The following NRG3 variants were observed in gnomAD, a reference collection of about 807,000 sequenced individuals.
NRG3 encodes pro-neuregulin-3, membrane-bound isoform.
Under a neutral mutation model 66.9 loss-of-function variants are expected in NRG3, and 31 were observed. The ratio of observed to expected loss-of-function variants is 0.46; its 90% CI spans 0.35 to 0.63. The LOEUF is 0.63. Among genes scored for constraint, NRG3 ranks in the 20% least tolerant of loss-of-function variants. NRG3 has a pLI of 0.00. For missense variants in NRG3, 910 were observed against 878.9 expected, an observed-to-expected ratio of 1.04 and a Z score of -0.45; for synonymous variants, 393 against 359.4, an observed-to-expected ratio of 1.09 and a Z score of -1.06.
chr10:82,213,308 T>C (rs1224693556), intron 1 of NRG3, among the ~76,000 whole-genome samples: 1 of 152,212 alleles, frequency 6.6e-6, no homozygotes, highest in Non-Finnish European at 1.5e-5. Context: ...AACTATAAAC[T>C]TTTTGAGTTC....
chr10:81,898,265 C>T (rs1032401088), intron 1 of NRG3, among the ~76,000 whole-genome samples: 12 of 152,180 alleles, frequency 7.9e-5, no homozygotes, highest in Non-Finnish European at 1.0e-4. Flanking sequence ...AGACCCCTGC[C>T]AGCAAGAGCC....
At chr10:82,501,776 CT>C (rs1844214931) in intron 2 of NRG3, among the ~76,000 whole-genome samples, 1 of 152,130 alleles carries the variant, frequency 6.6e-6, no homozygotes. Context: ...AAAAATGGGA[CT>C]TTTTAGTTCT....
At chr10:82,279,310 G>T (rs966179204) in intron 1 of NRG3, among the ~76,000 whole-genome samples, 1 of 152,122 alleles carries the variant, frequency 6.6e-6, no homozygotes, top group Admixed American at 6.6e-5. Flanking sequence ...ATCAATGTCA[G>T]CACCTGCTGA....
chr10:82,600,582 T>C (rs2047561263), intron 2 of NRG3, among the ~76,000 whole-genome samples: 1 of 152,118 alleles, frequency 6.6e-6, no homozygotes, highest in South Asian at 2.1e-4. Flanking sequence ...GTGATTCTCC[T>C]GCTTAGCCTC....
At chr10:81,884,082 G>A (rs1481737650) in intron 1 of NRG3, among the ~76,000 whole-genome samples, 4 of 152,118 alleles carry the variant, frequency 2.6e-5, no homozygotes, top group African/African-American at 9.7e-5. Flanking sequence ...CTGGGCTTAG[G>A]ATATATAATT....
At chr10:82,144,029 TA>T (rs558793877) in intron 1 of NRG3, among the ~76,000 whole-genome samples, 314 of 106,962 alleles carry the variant, frequency 2.9e-3, no homozygotes, top group Middle Eastern at 6.3e-3. Flanking sequence ...GACTTTGTCT[TA>T]AAAAAAAAAA....
intron 4 of NRG3, among the ~76,000 whole-genome samples, chr10:82,894,179 A>G (rs1415384560): frequency 2.0e-5 from 3 of 152,216 alleles, no homozygotes; most frequent in Non-Finnish European, 4.4e-5. Flanking sequence ...AGCAAATTGA[A>G]CCCAGCAAAG....
In NRG3 at chr10:82,070,178, G is replaced by A. The variant is rs555004110; in HGVS notation, c.823+194015G>A. Among the ~76,000 whole-genome samples the A allele has an allele frequency of 4.6e-5, 7 of 152,168 alleles. No homozygotes were observed. The East Asian group carries it at 1.4e-3, about 29-fold the overall frequency. Reference sequence around the variant, plus strand: ...GCTAAGCCAGGAAGCTTGACTGATGGGACCCAGAGTGATCTCCCTGTCTCC... The same window carrying A: ...GCTAAGCCAGGAAGCTTGACTGATGAGACCCAGAGTGATCTCCCTGTCTCC... On this transcript the variant is annotated intron_variant, in intron 1 of 8. Coordinates refer to ENST00000372141, the MANE Select transcript of NRG3 (RefSeq NM_001010848.4).
chr10:82,171,433 A>G (rs2133101711), intron 1 of NRG3, among the ~76,000 whole-genome samples: 1 of 152,140 alleles, frequency 6.6e-6, no homozygotes, highest in South Asian at 2.1e-4. Context: ...TTCTTGGCTT[A>G]GTTGCTCTCT....
chr10:81,923,275 G>C (rs1466581038), intron 1 of NRG3, among the ~76,000 whole-genome samples: 1 of 149,932 alleles, frequency 6.7e-6, no homozygotes, highest in Non-Finnish European at 1.5e-5. Context: ...GCGCGATCTC[G>C]GCTCACTGCA....
intron 2 of NRG3, among the ~76,000 whole-genome samples, chr10:82,455,614 CTTT>C (rs35042088): frequency 7.2e-6 from 1 of 138,160 alleles, no homozygotes; most frequent in Non-Finnish European, 1.6e-5. Context: ...TTACACTAAA[CTTT>C]TTTTTTTTTT....
At chr10:81,911,233 G>A (rs1191282739) in intron 1 of NRG3, among the ~76,000 whole-genome samples, 1 of 152,162 alleles carries the variant, frequency 6.6e-6, no homozygotes, top group African/African-American at 2.4e-5. Context: ...GTGCCAGTTA[G>A]TCAAGTGGAG....
chr10:82,151,155 C>T (rs532398004), intron 1 of NRG3, among the ~76,000 whole-genome samples: 5 of 152,266 alleles, frequency 3.3e-5, no homozygotes, highest in South Asian at 2.1e-4. Flanking sequence ...AACAGAGGAA[C>T]GGCTGAGGAT....
At chr10:82,641,944 G>A (rs1482606518) in intron 2 of NRG3, among the ~76,000 whole-genome samples, 1 of 152,078 alleles carries the variant, frequency 6.6e-6, no homozygotes, top group African/African-American at 2.4e-5. Context: ...CCAAATTAAT[G>A]TACACTAAGA....
In NRG3 at chr10:82,160,994, C is replaced by A. The variant is rs140639376; in HGVS notation, c.824-197745C>A. On this transcript the variant is annotated intron_variant, in intron 1 of 8. Transcript: ENST00000372141. ...AATGTGTACTATAATACACTGTTAG[C>A]GAGGTTAGACGTTGGTGAAGTCTTT... Among the ~76,000 whole-genome samples the A allele has an allele frequency of 2.6e-3, 398 of 151,988 alleles. 3 individuals carry two copies. Among genetic ancestry groups the A allele is most frequent in the African/African-American group, 9.4e-3 (391 of 41,492 alleles).
intron 1 of NRG3, among the ~76,000 whole-genome samples, chr10:81,962,989 A>G (rs1481924766): frequency 3.3e-5 from 5 of 152,082 alleles, no homozygotes; most frequent in Non-Finnish European, 5.9e-5. Flanking sequence ...GCAGTCACAC[A>G]GCCTGCTCAG....
chr10:81,910,005 A>C (rs1365015262), intron 1 of NRG3, among the ~76,000 whole-genome samples: 1 of 152,150 alleles, frequency 6.6e-6, no homozygotes, highest in Non-Finnish European at 1.5e-5. Flanking sequence ...ATGATTTTGC[A>C]CTATTGCACA....
At chr10:82,511,040 A>T (rs955863677) in intron 2 of NRG3, among the ~76,000 whole-genome samples, 11 of 152,140 alleles carry the variant, frequency 7.2e-5, no homozygotes, top group African/African-American at 2.7e-4. Flanking sequence ...TCATTTCAAC[A>T]TTTCTGCATG....
At chr10:81,946,297 A>T (rs974123588) in intron 1 of NRG3, among the ~76,000 whole-genome samples, 2 of 152,292 alleles carry the variant, frequency 1.3e-5, no homozygotes, top group Non-Finnish European at 2.9e-5. Flanking sequence ...GATTACAGGC[A>T]TACGCCCAGC....
Sources: allele counts gnomAD v4.1 joint callset (sites outside exome capture counted in the v4.1 genomes callset), GRCh38; gene constraint gnomAD v4.1.1; transcripts MANE v1.5; gene names NCBI Gene and HGNC (gene_info 2026-07-23, HGNC 2026-07-21).